RAPGEF2: variants seen among roughly 807,000 people sequenced by gnomAD.
RAPGEF2 encodes Rap guanine nucleotide exchange factor 2, also known as PDZ domain containing guanine nucleotide exchange factor (GEF) 1.
A neutral mutation model predicts 186.7 loss-of-function variants in RAPGEF2; 54 were observed. The observed-to-expected ratio is 0.29, with a 90% confidence interval of 0.23 to 0.36. The LOEUF (loss-of-function observed/expected upper bound fraction) is 0.36. Among genes scored for constraint, RAPGEF2 ranks in the 10% least tolerant of loss-of-function variants. The pLI is 1.00. For synonymous variants in RAPGEF2, 712 were observed against 705.9 expected (o/e 1.01, Z -0.14); for missense variants, 1,532 against 2,045.0 (o/e 0.75, Z 4.84).
rs576986396 is a variant in RAPGEF2, at chr4:159,359,687, A to G, written c.*1548A>G. On this transcript the variant is annotated 3_prime_UTR_variant, in exon 30 of 30. Coordinates refer to ENST00000691494, the MANE Select transcript of RAPGEF2 (RefSeq NM_001394067.2). Reference sequence around the variant, plus strand: ...CTGTATCAAACAATGTCAGTGCTTTATTTAATAATTCTCTTCTGTATCATG... The same window carrying G: ...CTGTATCAAACAATGTCAGTGCTTTGTTTAATAATTCTCTTCTGTATCATG... The G allele has an allele frequency of 6.6e-6, 1 of 151,612 alleles. No individual in the cohort carries two copies. The highest frequency in any genetic ancestry group is 2.4e-5 in the African/African-American group (1 of 40,862). The allele number at this position is 151,612 out of a possible 1,614,324, so 9.4% of individuals were successfully genotyped here.
In RAPGEF2 at chr4:159,330,356, T is replaced by C. The variant is rs1766521017; in HGVS notation, c.1325T>C (p.Met442Thr). The C allele has an allele frequency of 1.3e-6, 2 of 1,589,272 alleles. No individual in the cohort carries two copies. The highest frequency in any genetic ancestry group is 1.7e-6 in the Non-Finnish European group (2 of 1,173,134). Residue 442 changes from methionine (M) to threonine (T), a missense_variant, in exon 13 of 30, where the codon ATG becomes ACG. Around this residue, in one of 4 missense-constraint regions of RAPGEF2, gnomAD observed 810 missense variants for 1,210.5 expected, o/e 0.67. Coordinates refer to ENST00000691494, the MANE Select transcript of RAPGEF2 (RefSeq NM_001394067.2). ...CAGGGTACCTCAGAAAGGTTAACAA[T>C]GCATTTGGTGGAAGAGCATTCAGTA... ...VIKGTSERLT[M>T]HLVEEHSVVD...
chr4:159,253,651 T>C (rs1755755986), intron 7 of RAPGEF2, among the ~76,000 whole-genome samples: 1 of 152,164 alleles, frequency 6.6e-6, no homozygotes, highest in Non-Finnish European at 1.5e-5. Flanking sequence ...TTTTTTTTTT[T>C]ATTATTTGTT....
intron 1 of RAPGEF2, among the ~76,000 whole-genome samples, chr4:159,156,171 A>C (rs1238252388): frequency 6.6e-6 from 1 of 152,174 alleles, no homozygotes; most frequent in Non-Finnish European, 1.5e-5. Context: ...TGAAGGCTTG[A>C]TTGAGGAAGG....
At chr4:159,337,465 A>C (rs1245814336) in intron 17 of RAPGEF2, among the ~76,000 whole-genome samples, 1 of 152,192 alleles carries the variant, frequency 6.6e-6, no homozygotes, top group African/African-American at 2.4e-5. Flanking sequence ...CAGTTGAGTG[A>C]GTTAAATGTA....
At chr4:159,282,874 T>C (rs906663941) in intron 7 of RAPGEF2, among the ~76,000 whole-genome samples, 5 of 152,224 alleles carry the variant, frequency 3.3e-5, no homozygotes, top group Non-Finnish European at 7.3e-5. Context: ...CTGCGTTCTT[T>C]TAAGAAGAAG....
intron 4 of RAPGEF2, among the ~76,000 whole-genome samples, chr4:159,238,163 T>G (rs1387442701): frequency 1.3e-5 from 2 of 152,220 alleles, no homozygotes; most frequent in African/African-American, 4.8e-5. Flanking sequence ...TCACCATTCT[T>G]AACGTGGGAA....
Position 159,358,759 on chromosome 4 carries a change from A to C in RAPGEF2, c.*620A>C, listed in dbSNP as rs759271512. On this transcript the variant is annotated 3_prime_UTR_variant, in exon 30 of 30. Coordinates refer to ENST00000691494, the MANE Select transcript of RAPGEF2 (RefSeq NM_001394067.2). ...TACAGTATTATTTTAAACCTTAAGT[A>C]GGGTTGCCAGCCTGGTTTCTGAAAA... The C allele has an allele frequency of 7.2e-5, 11 of 152,220 alleles. No homozygotes were observed. Among genetic ancestry groups the C allele is most frequent in the African/African-American group, 1.2e-4 (5 of 41,456 alleles). 9.4% of individuals were successfully genotyped at this position (152,220 alleles called of 1,614,324 possible). A position where few individuals can be genotyped will look rare whatever the true frequency, so the allele number is the denominator to read the frequency against.
At chr4:159,184,154 G>C (rs1579399200) in intron 1 of RAPGEF2, among the ~76,000 whole-genome samples, 1 of 152,162 alleles carries the variant, frequency 6.6e-6, no homozygotes, top group East Asian at 1.9e-4. Flanking sequence ...ATGGACATCT[G>C]GGTTGGTTCC....
intron 7 of RAPGEF2, among the ~76,000 whole-genome samples, chr4:159,295,032 G>A (rs912723290): frequency 1.3e-5 from 2 of 152,144 alleles, no homozygotes; most frequent in African/African-American, 2.4e-5. Context: ...CAACATCTGG[G>A]CTCTTCATAG....
intron 3 of RAPGEF2, among the ~76,000 whole-genome samples, chr4:159,204,342 T>G (rs1749748125): frequency 6.6e-6 from 1 of 152,070 alleles, no homozygotes; most frequent in Non-Finnish European, 1.5e-5. Flanking sequence ...TGGAGAGAGG[T>G]AAACATCTTG....
Position 159,353,739 on chromosome 4 carries a change from T to A in RAPGEF2, c.4344T>A (p.Gly1448=), listed in dbSNP as rs144590103. The A allele has an allele frequency of 4.3e-6, 7 of 1,612,544 alleles. No individual in the cohort carries two copies. The highest frequency in any genetic ancestry group is 1.7e-4 in the Middle Eastern group (1 of 6,050). Residue 1448 remains glycine, a synonymous_variant, in exon 28 of 30, where the codon GGT becomes GGA. Coordinates refer to ENST00000691494, the MANE Select transcript of RAPGEF2 (RefSeq NM_001394067.2). This position sits in a 1 kb window ranked among gnomAD's most constrained non-coding sequence, Gnocchi z 4.3. ...THFDYSGDPA[G]LWASSSHMDQ... ...TTGATTATTCAGGGGATCCTGCAGG[T>A]TTATGGGCATCAAGCAGCCATATGG...
chr4:159,107,613 CT>C (rs200473592), intron 1 of RAPGEF2, among the ~76,000 whole-genome samples: 330 of 152,006 alleles, frequency 2.2e-3, no homozygotes, highest in Non-Finnish European at 2.6e-3. Flanking sequence ...AATAATCTTA[CT>C]TTTTTTTGGG....
intron 4 of RAPGEF2, among the ~76,000 whole-genome samples, chr4:159,221,419 G>A (rs1751529268): frequency 1.3e-5 from 2 of 152,220 alleles, no homozygotes; most frequent in South Asian, 4.1e-4. Context: ...ATTCAAGACA[G>A]ATTGCTTGAA....
intron 6 of RAPGEF2, among the ~76,000 whole-genome samples, chr4:159,241,701 T>A (rs1480016400): frequency 6.6e-6 from 1 of 151,902 alleles, no homozygotes; most frequent in Non-Finnish European, 1.5e-5. Context: ...AGATCAGCTT[T>A]GTGATAAGCA....
chr4:159,358,036 C>G, intron 29 of RAPGEF2, 78 bp from the exon 30 acceptor site: 2 of 1,358,208 alleles, frequency 1.5e-6, no homozygotes, highest in Admixed American at 3.9e-5. Context: ...TTTAGCACAT[C>G]AGTGAATATA....
At position 159,162,142 on chromosome 4, in the gene RAPGEF2, T is replaced by G. The variant is rs185409378; in HGVS notation, c.70-24500T>G. ...GGTCGTGCTTGTAATCCCAGCACTTTGGGAGGCTGAGGTGGGATGATTGCT... is the reference window on the plus strand; with the variant it reads ...GGTCGTGCTTGTAATCCCAGCACTTGGGGAGGCTGAGGTGGGATGATTGCT... On this transcript the variant is annotated intron_variant, in intron 1 of 29. Transcript: ENST00000691494. 5.5e-3 allele frequency among the ~76,000 whole-genome samples: 825 copies of G among 150,088 alleles called. 8 individuals carry two copies. Among genetic ancestry groups the G allele is most frequent in the African/African-American group, 0.02 (792 of 40,572 alleles).
At chr4:159,154,348 AT>A (rs1743884730) in intron 1 of RAPGEF2, among the ~76,000 whole-genome samples, 1 of 152,108 alleles carries the variant, frequency 6.6e-6, no homozygotes, top group African/African-American at 2.4e-5. Context: ...AGCACATATT[AT>A]TTATTGCCTA....
At chr4:159,155,118 A>C (rs936344691) in intron 1 of RAPGEF2, among the ~76,000 whole-genome samples, 16 of 152,164 alleles carry the variant, frequency 1.1e-4, no homozygotes, top group African/African-American at 3.6e-4. Context: ...AGAGATTAAC[A>C]CAGTGAAACT....
rs767629991 is a variant in RAPGEF2, at chr4:159,116,292, CAAAA to C, written c.69+12062_69+12065del. ...GCAAAGGACATGAACAGACAATTCT[CAAAA>C]GAAGACATTCATTGCAGCCAACAAA... On this transcript the variant is annotated intron_variant, in intron 1 of 29. Coordinates refer to ENST00000691494, the MANE Select transcript of RAPGEF2 (RefSeq NM_001394067.2). Among the ~76,000 whole-genome samples, 172 of 152,260 alleles carry C rather than the reference CAAAA, an allele frequency of 1.1e-3. 3 individuals carry two copies. The highest frequency in any genetic ancestry group is 2.2e-3 in the Non-Finnish European group (153 of 68,006).
Sources: gnomAD v4.1 joint callset for allele counts (sites outside exome capture counted in the v4.1 genomes callset) on GRCh38, gnomAD v4.1.1 for gene constraint, gnomAD v4.1.1 regional missense constraint, Gnocchi (gnomAD v3.1) non-coding constraint, MANE v1.5 for transcripts, NCBI Gene and HGNC (gene_info 2026-07-23, HGNC 2026-07-21) for gene names.